HSPA12A: variants seen among roughly 807,000 people sequenced by gnomAD.
HSPA12A encodes the protein heat shock protein family A (Hsp70) member 12A, also known as heat shock 70 kDa protein 12A.
In HSPA12A, 28 loss-of-function variants were observed where a neutral mutation model predicts 69.2. That is an observed-to-expected ratio of 0.40 (90% confidence interval 0.30 to 0.55). The LOEUF is 0.55. Ranked by LOEUF, HSPA12A falls within the 20% of genes least tolerant of loss-of-function variation. HSPA12A has a pLI of 0.38. For missense variants in HSPA12A, 686 were observed against 900.7 expected (o/e 0.76, Z 3.05); for synonymous variants, 345 against 370.5 (o/e 0.93, Z 0.79).
chr10:116,842,096 T>TTAA (rs1213323111), intron 1 of HSPA12A, among the ~76,000 whole-genome samples: 2 of 152,210 alleles, frequency 1.3e-5, no homozygotes, highest in East Asian at 3.9e-4. Context: ...ATAATTCCTC[T>TTAA]TAAGCAGATT....
chr10:116,727,934 G>T (rs1177298531), intron 1 of HSPA12A, among the ~76,000 whole-genome samples: 8 of 151,236 alleles, frequency 5.3e-5, no homozygotes, highest in South Asian at 2.1e-4. Context: ...ATTTTTTTGG[G>T]GGGGGGACAG....
At chr10:116,684,976 A>G (rs1210772211) in intron 6 of HSPA12A, among the ~76,000 whole-genome samples, 4 of 152,156 alleles carry the variant, frequency 2.6e-5, no homozygotes, top group Non-Finnish European at 5.9e-5. Flanking sequence ...CATGGCCTTG[A>G]GCTGCAGCGG....
chr10:116,741,597 G>T (rs942739719), intron 1 of HSPA12A, among the ~76,000 whole-genome samples: 2 of 152,192 alleles, frequency 1.3e-5, no homozygotes, highest in South Asian at 4.1e-4. Flanking sequence ...GGCCCTCCGT[G>T]GGAGAAGCCT....
intron 1 of HSPA12A, among the ~76,000 whole-genome samples, chr10:116,836,834 C>T (rs1352774307): frequency 6.6e-6 from 1 of 151,930 alleles, no homozygotes; most frequent in Non-Finnish European, 1.5e-5. Context: ...TACATCTATT[C>T]GTTCAGAGAA....
chr10:116,790,499 G>A (rs957581376), intron 2 of HSPA12A, among the ~76,000 whole-genome samples: 4 of 151,952 alleles, frequency 2.6e-5, no homozygotes, highest in Admixed American at 6.6e-5. Context: ...GACGCTCCCC[G>A]AACATCCAGC....
In HSPA12A at chr10:116,710,354, C is replaced by T. The variant is rs996311291; in HGVS notation, c.41-3069G>A. Reference sequence around the variant, plus strand: ...AAACAAGCTATTATCTGCAGACAAACTATCCACCCCGCTGCTGCTTGGTCC... The same window carrying T: ...AAACAAGCTATTATCTGCAGACAAATTATCCACCCCGCTGCTGCTTGGTCC... On this transcript the variant is annotated intron_variant, in intron 1 of 11. Transcript: ENST00000369209. This position sits in a 1 kb window ranked among gnomAD's most constrained non-coding sequence, Gnocchi z 4.1. Among the ~76,000 whole-genome samples, 6 of 152,238 alleles carry T rather than the reference C, an allele frequency of 3.9e-5. No individual in the cohort carries two copies. Among genetic ancestry groups the T allele is most frequent in the African/African-American group, 1.4e-4 (6 of 41,466 alleles).
intron 2 of HSPA12A, among the ~76,000 whole-genome samples, chr10:116,821,342 C>T (rs963430547): frequency 1.3e-5 from 2 of 152,130 alleles, no homozygotes; most frequent in Non-Finnish European, 2.9e-5. Context: ...TAGCACAGCC[C>T]TTCCTTCGGC....
chr10:116,741,705 G>A (rs1326732909), intron 1 of HSPA12A, among the ~76,000 whole-genome samples: 1 of 151,798 alleles, frequency 6.6e-6, no homozygotes, highest in African/African-American at 2.4e-5. Context: ...CCCTAATCAC[G>A]CTCCCCAAAG....
intron 1 of HSPA12A, among the ~76,000 whole-genome samples, chr10:116,718,886 G>A (rs545894313): frequency 1.2e-4 from 18 of 151,890 alleles, no homozygotes; most frequent in Non-Finnish European, 2.6e-4. Flanking sequence ...AAGAGGAACA[G>A]AAGGTCAGAA....
chr10:116,712,991 T>TATATATATATATAC (rs1176624278), intron 1 of HSPA12A, among the ~76,000 whole-genome samples: 4 of 125,394 alleles, frequency 3.2e-5, no homozygotes, highest in Non-Finnish European at 4.8e-5. Context: ...TATATATATA[T>TATATATATATATAC]ATATATATAT....
Position 116,762,702 on chromosome 10 carries a change from G to A in HSPA12A, c.92-55417C>T, listed in dbSNP as rs147392942. ...GGGTTCAAGCGATTCTTCTGCCTCA[G>A]TCTCCCCGCTAGCTGGGACTACAGG... On this transcript the variant is annotated intron_variant, in intron 2 of 12. Coordinates refer to the HSPA12A transcript ENST00000635765. Among the ~76,000 whole-genome samples, 625 of 152,276 alleles carry A rather than the reference G, an allele frequency of 4.1e-3. 2 individuals are homozygous for A. The highest frequency in any genetic ancestry group is 5.9e-3 in the Admixed American group (90 of 15,300).
intron 2 of HSPA12A, among the ~76,000 whole-genome samples, chr10:116,749,563 C>A (rs1262898729): frequency 1.3e-5 from 2 of 152,194 alleles, no homozygotes; most frequent in Non-Finnish European, 2.9e-5. Context: ...AGCAATGTCC[C>A]CAGCTCCTAG....
intron 9 of HSPA12A, 28 bp from the exon 10 acceptor site, chr10:116,679,789 T>C: frequency 1.9e-6 from 3 of 1,607,560 alleles, no homozygotes; most frequent in Non-Finnish European, 2.6e-6. Context: ...AGGGAGGCCA[T>C]GGTGTTAAAA....
chr10:116,697,241 T>A (rs1385843240), intron 5 of HSPA12A, among the ~76,000 whole-genome samples: 2 of 152,338 alleles, frequency 1.3e-5, no homozygotes, highest in East Asian at 3.9e-4. Flanking sequence ...CAAATCTTTT[T>A]GGATAAAGCT....
At chr10:116,787,199 C>T (rs1589706030) in intron 2 of HSPA12A, among the ~76,000 whole-genome samples, 2 of 151,922 alleles carry the variant, frequency 1.3e-5, no homozygotes, top group Non-Finnish European at 2.9e-5. Context: ...GGTGGGAGTG[C>T]GGCCTGGTTT....
intron 2 of HSPA12A, among the ~76,000 whole-genome samples, chr10:116,805,240 CG>C (rs1283176862): frequency 1.3e-5 from 2 of 152,028 alleles, no homozygotes; most frequent in Non-Finnish European, 2.9e-5. Flanking sequence ...GGCGTGAACC[CG>C]GGAGGCGGAG....
At chr10:116,702,739 G>C (rs1314843827) in intron 3 of HSPA12A, among the ~76,000 whole-genome samples, 1 of 151,896 alleles carries the variant, frequency 6.6e-6, no homozygotes, top group South Asian at 2.1e-4. Context: ...TTCCCACTTA[G>C]TACAAAAAAA....
At chr10:116,729,204 C>T (rs1638421) in intron 1 of HSPA12A, among the ~76,000 whole-genome samples, 1 of 152,002 alleles carries the variant, frequency 6.6e-6, no homozygotes, top group African/African-American at 2.4e-5. Context: ...ATGAGGAGCA[C>T]GCCGGGAAGG....
intron 2 of HSPA12A, among the ~76,000 whole-genome samples, chr10:116,775,978 T>C (rs78639763): frequency 6.6e-6 from 1 of 152,176 alleles, no homozygotes; most frequent in African/African-American, 2.4e-5. Context: ...TGGCCTCACG[T>C]TGGTGGTGAG....
Sources: gnomAD v4.1 joint callset for allele counts (sites outside exome capture counted in the v4.1 genomes callset) on GRCh38, gnomAD v4.1.1 for gene constraint, Gnocchi (gnomAD v3.1) non-coding constraint, MANE v1.5 for transcripts, NCBI Gene and HGNC (gene_info 2026-07-23, HGNC 2026-07-21) for gene names.